Variants in TM6SF2 observed in about 807,000 individuals in gnomAD.
TM6SF2 encodes the protein transmembrane 6 superfamily member 2.
A neutral mutation model predicts 41.0 loss-of-function variants in TM6SF2; 29 were observed. The ratio of observed to expected loss-of-function variants is 0.71; its 90% CI spans 0.53 to 0.96. TM6SF2 has a LOEUF of 0.96. Ranked by LOEUF, TM6SF2 falls within the 50% of genes least tolerant of loss-of-function variation. TM6SF2 has a pLI of 0.00. For missense variants in TM6SF2, 475 were observed against 499.0 expected (o/e 0.95, Z 0.46); for synonymous variants, 200 against 209.1 (o/e 0.96, Z 0.37).
chr19:19,268,729 A>G lies in TM6SF2; in HGVS notation c.510T>C (p.Pro170=). The change falls in exon 6 of 10, where the codon CCT becomes CCC. Residue 170 remains proline (P), a synonymous_variant. Transcript: ENST00000389363. ...GGTAGGGGATGGTGAGGAAGAAGGCAGGCCTGATCTCGGAGCTGTATTTGC... is the reference window on the plus strand; with the variant it reads ...GGTAGGGGATGGTGAGGAAGAAGGCGGGCCTGATCTCGGAGCTGTATTTGC... ...ILGKYSSEIR[P]AFFLTIPYLL... is the part of the protein sequence containing the mutation. 1 of 1,605,124 alleles carries G rather than the reference A, an allele frequency of 6.2e-7. No homozygotes were observed. The highest frequency in any genetic ancestry group is 1.7e-5 in the Admixed American group (1 of 57,832).
intron 5 of TM6SF2, 68 bp from the exon 6 acceptor site, chr19:19,268,822 G>A (rs541971412): frequency 2.0e-6 from 3 of 1,501,080 alleles, no homozygotes; most frequent in African/African-American, 1.5e-5. Context: ...TTGTTTGTTT[G>A]TTCTGAGACA....
At chr19:19,272,695 GT>G (rs1461154260) in intron 1 of TM6SF2, among the ~76,000 whole-genome samples, 1 of 121,278 alleles carries the variant, frequency 8.2e-6, no homozygotes, top group African/African-American at 4.7e-5. Flanking sequence ...GGAGTAGGGT[GT>G]GTGTGTGTGT....
At position 19,272,728 on chromosome 19, in the gene TM6SF2, T is replaced by TGTGTGTGTGTGTGTGA. The variant is rs1555786937; in HGVS notation, c.95+392_95+393insTCACACACACACACAC. ...GTGTGTGTGTGTGTGTGTGTGTGTG[T>TGTGTGTGTGTGTGTGA]GAGCAGGAGTCAGGTACCCGGGGCC... On this transcript the variant is annotated intron_variant, in intron 1 of 9. Transcript: ENST00000389363. Among the ~76,000 whole-genome samples the TGTGTGTGTGTGTGTGA allele has an allele frequency of 1.4e-4, 21 of 149,838 alleles. No individual in the cohort carries two copies. The East Asian group carries it at 3.2e-3, about 23-fold the overall frequency.
Position 19,269,736 on chromosome 19 carries a change from C to T in TM6SF2, c.435G>A (p.Leu145=), listed in dbSNP as rs1453484857. The change falls in exon 5 of 10, where the codon CTG becomes CTA. Residue 145 remains leucine, a synonymous_variant. Transcript: ENST00000389363. ...CCAGGATGCTCATGGCGAAGGAACC[C>T]AGCCAGTAGAGTCCAAAATTCCGGT... is the stretch of plus-strand genomic sequence containing the variant. ...KRYRNFGLYW[L]GSFAMSILVF... 2 of 1,614,182 alleles carry T rather than the reference C, an allele frequency of 1.2e-6. No homozygotes were observed. Among genetic ancestry groups the T allele is most frequent in the Non-Finnish European group, 1.7e-6 (2 of 1,180,020 alleles).
Position 19,264,858 on chromosome 19 carries a change from T to C in TM6SF2, c.940A>G (p.Met314Val), listed in dbSNP as rs368032431. Residue 314 changes from methionine (M) to valine (V), a missense_variant, in exon 10 of 10, where the codon ATG becomes GTG. By Grantham distance (21) the Met-to-Val change is conservative (BLOSUM62 1). Transcript: ENST00000389363. ...GTGCGCAGGTGCATGGAAGCCCCCA[T>C]GTGCGAGAACTGTGCCTGGTAGCCA... ...GGIGQAQFSH[M>V]GASMHLRTPF... 3.9e-5 allele frequency: 61 copies of C among 1,577,234 alleles called. No individual in the cohort carries two copies. In the African/African-American group the frequency reaches 7.3e-4, roughly 19 times the overall value.
intron 9 of TM6SF2, among the ~76,000 whole-genome samples, chr19:19,265,426 C>CTATT: frequency 6.7e-6 from 1 of 150,014 alleles, no homozygotes; most frequent in African/African-American, 2.5e-5. Flanking sequence ...ATCTATCTAT[C>CTATT]TATCTATTTA....
chr19:19,267,886 C>A, intron 7 of TM6SF2, 100 bp downstream of exon 7: 1 of 1,129,952 alleles, frequency 8.8e-7, no homozygotes. Flanking sequence ...TGATGAAGAA[C>A]TTCCTTGGAT....
intron 8 of TM6SF2, 190 bp from the exon 9 acceptor site, chr19:19,266,799 C>T (rs984513793): frequency 1.7e-5 from 10 of 604,586 alleles, no homozygotes; most frequent in Admixed American, 6.3e-5. Flanking sequence ...ACACATACAC[C>T]AAACCTACTA....
At chr19:19,272,257 C>T (rs1394158680) in intron 1 of TM6SF2, among the ~76,000 whole-genome samples, 1 of 152,248 alleles carries the variant, frequency 6.6e-6, no homozygotes, top group East Asian at 1.9e-4. Context: ...AGATTTCCAT[C>T]CTGACCCCAT....
At chr19:19,272,692 GGTGTGTGTGTGTGTGT>G (rs55690765) in intron 1 of TM6SF2, among the ~76,000 whole-genome samples, 1 of 136,750 alleles carries the variant, frequency 7.3e-6, no homozygotes, top group African/African-American at 2.8e-5. Flanking sequence ...AATGGAGTAG[GGTGTGTGTGTGTGTGT>G]GTGTGTGTGT....
chr19:19,272,422 TC>T (rs1460063687), intron 1 of TM6SF2, among the ~76,000 whole-genome samples: 1 of 152,138 alleles, frequency 6.6e-6, no homozygotes, highest in African/African-American at 2.4e-5. Context: ...TCACCCAGGA[TC>T]CCAGGAGATG....
rs769776834 is a variant in TM6SF2 at position 19,268,755 on chromosome 19, C to T, written c.485-1G>A. On this transcript the variant is annotated splice_acceptor_variant, in intron 5 of 9. Transcript: ENST00000389363. LOFTEE classifies it high-confidence loss of function. The stretch of plus-strand genomic sequence containing the variant: ...GGCCTGATCTCGGAGCTGTATTTGC[C>T]TTCCATGGTGCAGGAGAGAGGGCAT... The T allele has an allele frequency of 8.1e-6, 13 of 1,601,218 alleles. No individual in the cohort carries two copies. The South Asian group carries it at 1.0e-4, about 12-fold the overall frequency.
chr19:19,264,770 T>C lies in TM6SF2; in HGVS notation c.1028A>G (p.Tyr343Cys). Residue 343 changes from tyrosine to cysteine, a missense_variant, in exon 10 of 10, where the codon TAT becomes TGT. Physicochemically the swap from Tyr to Cys is radical, Grantham distance 194. Coordinates refer to ENST00000389363, the MANE Select transcript of TM6SF2 (RefSeq NM_001001524.3). ...WGCFFVCNLL[Y>C]ALGPHLLAYR... Reference sequence around the variant, plus strand: ...GGCCAGCAGGTGGGGGCCCAGCGCATACAGCAGATTGCACACGAAGAAGCA... The same window carrying C: ...GGCCAGCAGGTGGGGGCCCAGCGCACACAGCAGATTGCACACGAAGAAGCA... 1 of 1,610,728 alleles carries C rather than the reference T, an allele frequency of 6.2e-7. No homozygotes were observed. The highest frequency in any genetic ancestry group is 8.5e-7 in the Non-Finnish European group (1 of 1,178,642).
chr19:19,270,322 C>T, intron 3 of TM6SF2, 23 bp downstream of exon 3: 1 of 1,614,084 alleles, frequency 6.2e-7, no homozygotes, highest in Non-Finnish European at 8.5e-7. Flanking sequence ...CGGTAGGGGG[C>T]TCCCTGGTCG....
chr19:19,270,510 G>A (rs1338691421), intron 2 of TM6SF2, 68 bp from the exon 3 acceptor site: 11 of 1,532,478 alleles, frequency 7.2e-6, no homozygotes, highest in African/African-American at 1.4e-5. Context: ...AGGGCTTAGT[G>A]TGGGCGGGGC....
At chr19:19,269,174 A>G (rs915059501) in intron 5 of TM6SF2, among the ~76,000 whole-genome samples, 12 of 151,990 alleles carry the variant, frequency 7.9e-5, no homozygotes, top group Admixed American at 7.2e-4. Flanking sequence ...AAGCTCCACC[A>G]CCTTCCATGG....
rs2061012895 is a variant in TM6SF2, at chr19:19,268,848, A to C, written c.485-94T>G. ...TTCTGAGACAGAGTCTTGCTCTGTC[A>C]CCCAGGCTGGAGTGCAGTGATGCAA... On this transcript the variant is annotated intron_variant, in intron 5 of 9. Transcript: ENST00000389363. 2.1e-6 allele frequency: 3 copies of C among 1,410,604 alleles called. No homozygotes were observed. The African/African-American group carries it at 4.6e-5, about 21-fold the overall frequency. 87.4% of individuals were successfully genotyped at this position (1,410,604 alleles called of 1,614,324 possible).
At chr19:19,269,815 T>A (rs2061016379) in intron 4 of TM6SF2, 46 bp from the exon 5 acceptor site, 1 of 1,612,866 alleles carries the variant, frequency 6.2e-7, no homozygotes, top group African/African-American at 1.3e-5. Flanking sequence ...CACTCCGTAA[T>A]CTCAGAGCCC....
Position 19,264,551 on chromosome 19 carries a change from C to T in TM6SF2, c.*113G>A. The T allele has an allele frequency of 1.0e-6, 1 of 958,470 alleles. No individual in the cohort carries two copies. The highest frequency in any genetic ancestry group is 3.0e-4 in the Middle Eastern group (1 of 3,296). The allele number at this position is 958,470 out of a possible 1,614,324, so 59.4% of individuals were successfully genotyped here. ...TGGACTGAAACTACCATAGCCAAGA[C>T]TAAAGACACCCGGAGATGTCCCTCC... is the stretch of plus-strand genomic sequence containing the variant. On this transcript the variant is annotated 3_prime_UTR_variant, in exon 10 of 10. Transcript: ENST00000389363.
Sources: gnomAD v4.1 joint callset for allele counts (sites outside exome capture counted in the v4.1 genomes callset) on GRCh38, gnomAD v4.1.1 for gene constraint, MANE v1.5 for transcripts, NCBI Gene and HGNC (gene_info 2026-07-23, HGNC 2026-07-21) for gene names.